Variants in LINGO2 observed in about 807,000 individuals in gnomAD.
The protein encoded by LINGO2 is leucine-rich repeat and immunoglobulin-like domain-containing nogo receptor-interacting protein 2.
A neutral mutation model predicts 30.6 loss-of-function variants in LINGO2; 14 were observed. The ratio of observed to expected loss-of-function variants is 0.46; its 90% CI spans 0.30 to 0.72. The LOEUF (loss-of-function observed/expected upper bound fraction) is 0.72. Ranked by LOEUF, LINGO2 falls within the 30% of genes least tolerant of loss-of-function variation. The pLI is 0.07. For synonymous variants in LINGO2, 317 were observed against 288.5 expected (o/e 1.10, Z -1.00); for missense variants, 729 against 751.7 (o/e 0.97, Z 0.35).
the LINGO2 span, among the ~76,000 whole-genome samples, chr9:28,720,322 T>C: frequency 6.6e-6 from 1 of 152,116 alleles, no homozygotes; most frequent in Non-Finnish European, 1.5e-5. Flanking sequence ...CTGAACTGTT[T>C]GTGCATAATT....
At chr9:28,716,202 T>G in the LINGO2 span, among the ~76,000 whole-genome samples, 1 of 151,604 alleles carries the variant, frequency 6.6e-6, no homozygotes, top group Admixed American at 6.6e-5. Flanking sequence ...TTCTCAGCAA[T>G]GCGATGGCTC....
At chr9:28,369,928 T>G (rs572354558) in intron 3 of LINGO2, among the ~76,000 whole-genome samples, 1 of 152,274 alleles carries the variant, frequency 6.6e-6, no homozygotes, top group African/African-American at 2.4e-5. Context: ...ATTCTGCATA[T>G]TTTGAAGGGC....
At chr9:28,645,106 T>C (rs1486891524) in intron 1 of LINGO2, among the ~76,000 whole-genome samples, 2 of 152,146 alleles carry the variant, frequency 1.3e-5, no homozygotes, top group Non-Finnish European at 2.9e-5. Context: ...AGCTATATTC[T>C]CTTATCCGAT....
At chr9:28,326,880 A>C (rs113407044) in intron 3 of LINGO2, among the ~76,000 whole-genome samples, 2 of 152,116 alleles carry the variant, frequency 1.3e-5, no homozygotes, top group African/African-American at 4.8e-5. Flanking sequence ...CATAAATACC[A>C]TTACTGAGAA....
intron 4 of LINGO2, among the ~76,000 whole-genome samples, chr9:28,159,413 C>A (rs1215273726): frequency 6.6e-6 from 1 of 151,854 alleles, no homozygotes; most frequent in African/African-American, 2.4e-5. Flanking sequence ...TTTTAAAAAA[C>A]CATTTAATAA....
chr9:28,356,083 A>G (rs1342265340), intron 3 of LINGO2, among the ~76,000 whole-genome samples: 2 of 152,194 alleles, frequency 1.3e-5, no homozygotes, highest in Non-Finnish European at 2.9e-5. Flanking sequence ...TTATCTCCAG[A>G]AGAAAGCAAT....
chr9:28,872,044 G>A, the LINGO2 span, among the ~76,000 whole-genome samples: 12 of 151,798 alleles, frequency 7.9e-5, no homozygotes, highest in Admixed American at 2.0e-4. Context: ...ATGCAATATT[G>A]CCTTTAACCT....
At chr9:28,310,118 C>T (rs1020944188) in intron 3 of LINGO2, among the ~76,000 whole-genome samples, 1 of 152,102 alleles carries the variant, frequency 6.6e-6, no homozygotes, top group Non-Finnish European at 1.5e-5. Context: ...GTTAAAGATA[C>T]ACAATTATAT....
At chr9:29,039,021 T>C in the LINGO2 span, among the ~76,000 whole-genome samples, 12 of 152,282 alleles carry the variant, frequency 7.9e-5, no homozygotes, top group South Asian at 2.5e-3. Context: ...CATTAGTTAC[T>C]GCTAATTGAG....
intron 4 of LINGO2, among the ~76,000 whole-genome samples, chr9:28,161,009 C>T (rs745445661): frequency 2.0e-5 from 3 of 152,150 alleles, no homozygotes; most frequent in Non-Finnish European, 4.4e-5. Context: ...GTGGAGACTT[C>T]CCAAAGTGGC....
chr9:28,194,736 T>C (rs978057390), intron 4 of LINGO2, among the ~76,000 whole-genome samples: 1 of 151,792 alleles, frequency 6.6e-6, no homozygotes, highest in Non-Finnish European at 1.5e-5. Context: ...TGCAAACAAC[T>C]ACAAAGCACT....
intron 3 of LINGO2, among the ~76,000 whole-genome samples, chr9:28,366,652 C>A (rs1820688129): frequency 6.6e-6 from 1 of 150,628 alleles, no homozygotes; most frequent in East Asian, 1.9e-4. Context: ...AAAGAAAATA[C>A]AACAAATATA....
intron 2 of LINGO2, among the ~76,000 whole-genome samples, chr9:28,444,281 C>A (rs1441311462): frequency 6.6e-6 from 1 of 152,168 alleles, no homozygotes; most frequent in East Asian, 1.9e-4. Context: ...AGAGTGGTGA[C>A]CCTTCTGGTG....
At chr9:28,044,129 G>A (rs185109517) in intron 4 of LINGO2, among the ~76,000 whole-genome samples, 113 of 152,222 alleles carry the variant, frequency 7.4e-4, no homozygotes, top group Non-Finnish European at 1.4e-3. Flanking sequence ...CACTATGTGT[G>A]TTTGCTTAAA....
chr9:28,078,499 C>T (rs1479310108), intron 4 of LINGO2, among the ~76,000 whole-genome samples: 5 of 148,468 alleles, frequency 3.4e-5, no homozygotes, highest in African/African-American at 1.3e-4. Flanking sequence ...CTAGGAGCTA[C>T]CATATATGCC....
intron 3 of LINGO2, among the ~76,000 whole-genome samples, chr9:28,334,858 G>A (rs890515643): frequency 6.6e-6 from 1 of 152,148 alleles, no homozygotes; most frequent in African/African-American, 2.4e-5. Flanking sequence ...ATTCCCGGAG[G>A]CCTTGGCCCC....
the LINGO2 span, among the ~76,000 whole-genome samples, chr9:28,802,855 T>C: frequency 5.9e-5 from 9 of 152,040 alleles, no homozygotes; most frequent in South Asian, 1.0e-3. Context: ...CTAAGAAGTA[T>C]AAGTCCCCAA....
At chr9:28,628,548 T>C (rs1419000957) in intron 1 of LINGO2, among the ~76,000 whole-genome samples, 1 of 152,122 alleles carries the variant, frequency 6.6e-6, no homozygotes, top group Non-Finnish European at 1.5e-5. Context: ...TGTAACTGAT[T>C]TTCCAAGGCT....
intron 4 of LINGO2, among the ~76,000 whole-genome samples, chr9:28,237,698 C>G: frequency 6.6e-6 from 1 of 151,918 alleles, no homozygotes; most frequent in East Asian, 2.0e-4. Flanking sequence ...ACTAAAAATA[C>G]AGAAAAATTA....
Sources: gnomAD v4.1 joint callset for allele counts (sites outside exome capture counted in the v4.1 genomes callset) on GRCh38, gnomAD v4.1.1 for gene constraint, MANE v1.5 for transcripts, NCBI Gene and HGNC (gene_info 2026-07-23, HGNC 2026-07-21) for gene names.